Variants in TBC1D16 observed in about 807,000 individuals in gnomAD.
The protein encoded by TBC1D16 is CTD-2529O21.1.
TBC1D16 carries 58 observed loss-of-function variants against 74.7 expected under a neutral mutation model. The observed-to-expected ratio is 0.78, with a 90% confidence interval of 0.63 to 0.97. TBC1D16 has a LOEUF of 0.97. Ranked by LOEUF, TBC1D16 falls within the 50% of genes least tolerant of loss-of-function variation. TBC1D16 has a pLI of 0.00. For missense variants in TBC1D16, 1,014 were observed against 1,079.5 expected, an observed-to-expected ratio of 0.94 and a Z score of 0.85; for synonymous variants, 493 against 474.7, an observed-to-expected ratio of 1.04 and a Z score of -0.50.
At chr17:79,999,022 G>A (rs953223435) in intron 3 of TBC1D16, among the ~76,000 whole-genome samples, 4 of 152,120 alleles carry the variant, frequency 2.6e-5, no homozygotes, top group East Asian at 1.9e-4. Context: ...CTGGGAGGCC[G>A]AGGCGGGGGG....
At chr17:80,024,705 C>T (rs62647777) in intron 1 of TBC1D16, among the ~76,000 whole-genome samples, 140,328 of 143,356 alleles carry the variant, frequency 0.98, 68,790 homozygotes, top group Non-Finnish European at 0.99. Context: ...ATGCCACACA[C>T]GACACACCAT....
In TBC1D16 at chr17:79,950,817, C is replaced by A. The variant is rs2032997965; in HGVS notation, c.1090-239G>T. ...CCTCCCCGGCCCACTGTGCCGCCGC[C>A]CCCCACTCTCTCCAACCCCAGCCGC... On this transcript the variant is annotated intron_variant, in intron 5 of 11. Transcript: ENST00000310924. The surrounding 1 kb of genome is among the most constrained non-coding windows in gnomAD (Gnocchi z 4.6). 1.3e-6 allele frequency: 2 copies of A among 1,535,120 alleles called. No individual in the cohort carries two copies. The highest frequency in any genetic ancestry group is 2.7e-5 in the African/African-American group (2 of 73,020).
At chr17:79,952,975 AT>A in intron 3 of TBC1D16, 157 bp from the exon 4 acceptor site, 2 of 740,086 alleles carry the variant, frequency 2.7e-6, no homozygotes, top group South Asian at 2.1e-5. Context: ...CTGTGAATAA[AT>A]GAATGTATGA....
chr17:80,011,813 G>A (rs981511217), intron 2 of TBC1D16, among the ~76,000 whole-genome samples: 21 of 150,838 alleles, frequency 1.4e-4, no homozygotes, highest in East Asian at 1.2e-3. Flanking sequence ...ATGACAGAGC[G>A]AGACTCCGTC....
At chr17:80,032,858 A>C (rs1338270500) in intron 1 of TBC1D16, among the ~76,000 whole-genome samples, 1 of 152,206 alleles carries the variant, frequency 6.6e-6, no homozygotes, top group Non-Finnish European at 1.5e-5. Flanking sequence ...TTACAAGAGA[A>C]TTTAGGCCTG....
rs111769516 is a variant in TBC1D16 at position 79,989,172 on chromosome 17, G to A, written c.779+20988C>T. Among the ~76,000 whole-genome samples, 36 of 152,260 alleles carry A rather than the reference G, an allele frequency of 2.4e-4. 1 individual carries two copies. Among genetic ancestry groups the A allele is most frequent in the Admixed American group, 1.6e-3 (24 of 15,298 alleles). ...ACTCAAGACCCTCAAATGCAGCACC[G>A]TGTGCCCCCTGAACAGGGATCCCCA... On this transcript the variant is annotated intron_variant, in intron 3 of 11. Transcript: ENST00000310924.
chr17:79,953,298 G>A (rs1017904679), intron 3 of TBC1D16, among the ~76,000 whole-genome samples: 1 of 152,370 alleles, frequency 6.6e-6, no homozygotes. Context: ...CCAGCTCACT[G>A]TATTCCTGAA....
chr17:80,032,627 G>A (rs1210426275), intron 1 of TBC1D16, among the ~76,000 whole-genome samples: 1 of 152,234 alleles, frequency 6.6e-6, no homozygotes, highest in Non-Finnish European at 1.5e-5. Context: ...TGCCGCTGAG[G>A]TGAACGGAAA....
Position 79,979,465 on chromosome 17 carries a change from C to A in TBC1D16, c.780-26647G>T, listed in dbSNP as rs1192726963. ...CAGGGGAGATGGGAGAGGCCTGAAGCGGGAGGCGGGAGGACCGCATAGCTG... is the reference window on the plus strand; with the variant it reads ...CAGGGGAGATGGGAGAGGCCTGAAGAGGGAGGCGGGAGGACCGCATAGCTG... On this transcript the variant is annotated intron_variant, in intron 3 of 11. Coordinates refer to ENST00000310924, the MANE Select transcript of TBC1D16 (RefSeq NM_019020.4). The surrounding 1 kb of genome is among the most constrained non-coding windows in gnomAD (Gnocchi z 4.8). Among the ~76,000 whole-genome samples, 1 of 152,148 alleles carries A rather than the reference C, an allele frequency of 6.6e-6. No individual in the cohort carries two copies. The highest frequency in any genetic ancestry group is 1.5e-5 in the Non-Finnish European group (1 of 68,020).
intron 3 of TBC1D16, among the ~76,000 whole-genome samples, chr17:79,970,189 A>G (rs1458153114): frequency 1.3e-5 from 2 of 152,224 alleles, no homozygotes; most frequent in Non-Finnish European, 2.9e-5. Flanking sequence ...ACAAAAGGCC[A>G]CGTGTTCTAT....
intron 3 of TBC1D16, among the ~76,000 whole-genome samples, chr17:79,972,877 T>G (rs1249223464): frequency 2.0e-5 from 3 of 151,690 alleles, no homozygotes; most frequent in African/African-American, 7.3e-5. Context: ...AGCTTAGGAG[T>G]TCGGGACCAG....
rs115565368 is a variant in TBC1D16 at position 79,941,311 on chromosome 17, G to A, written c.2056-204C>T. On this transcript the variant is annotated intron_variant, in intron 11 of 11. Coordinates refer to ENST00000310924, the MANE Select transcript of TBC1D16 (RefSeq NM_019020.4). This position sits in a 1 kb window ranked among gnomAD's most constrained non-coding sequence, Gnocchi z 4.3. Reference sequence around the variant, plus strand: ...CTGGGTCTTAGGTGGCTGCAGTGATGGGACCCACAAGGCACTCGGGCTGTG... The same window carrying A: ...CTGGGTCTTAGGTGGCTGCAGTGATAGGACCCACAAGGCACTCGGGCTGTG... 0.01 allele frequency among the ~76,000 whole-genome samples: 1,556 copies of A among 152,266 alleles called. 30 individuals carry two copies. The highest frequency in any genetic ancestry group is 0.034 in the African/African-American group (1,426 of 41,550).
In TBC1D16 at chr17:79,944,068, C is replaced by T. The variant is rs1425242012; in HGVS notation, c.1908+840G>A. The T allele has an allele frequency of 6.5e-7, 1 of 1,536,028 alleles. No individual in the cohort carries two copies. Among genetic ancestry groups the T allele is most frequent in the Admixed American group, 2.0e-5 (1 of 50,996 alleles). On this transcript the variant is annotated intron_variant, in intron 10 of 11. Transcript: ENST00000310924. This position sits in a 1 kb window ranked among gnomAD's most constrained non-coding sequence, Gnocchi z 7.7. ...GCAAAGGCGGCGTGTGGTACCGGCA[C>T]TCGGTGGCTTCAGACTCGCTTTCAT...
intron 5 of TBC1D16, 55 bp downstream of exon 5, chr17:79,951,395 G>A (rs377067918): frequency 1.8e-5 from 29 of 1,585,544 alleles, no homozygotes; most frequent in African/African-American, 1.1e-4. Context: ...GATGGGGCCC[G>A]TGGGGGGTGG....
intron 1 of TBC1D16, among the ~76,000 whole-genome samples, chr17:80,028,623 G>C (rs896551498): frequency 7.3e-6 from 1 of 137,684 alleles, no homozygotes; most frequent in Non-Finnish European, 1.5e-5. Flanking sequence ...ATGATGACCA[G>C]TTGATTTTTT....
chr17:80,016,635 C>T (rs2036100322), intron 1 of TBC1D16, among the ~76,000 whole-genome samples: 1 of 152,102 alleles, frequency 6.6e-6, no homozygotes, highest in Non-Finnish European at 1.5e-5. Flanking sequence ...GGGGTCCCCA[C>T]TGGCTCAGCA....
chr17:80,021,178 G>C (rs992753515), intron 1 of TBC1D16, among the ~76,000 whole-genome samples: 1 of 149,808 alleles, frequency 6.7e-6, no homozygotes, highest in South Asian at 2.1e-4. Flanking sequence ...CTTGAACTCA[G>C]GTGGTGGAGG....
intron 9 of TBC1D16, among the ~76,000 whole-genome samples, chr17:79,945,841 C>T (rs1190705418): frequency 6.6e-6 from 1 of 152,240 alleles, no homozygotes. Context: ...CCCCCCGGCC[C>T]AGGTGGAGTT....
At position 79,991,644 on chromosome 17, in the gene TBC1D16, G is replaced by A. The variant is rs111842372; in HGVS notation, c.779+18516C>T. Among the ~76,000 whole-genome samples the A allele has an allele frequency of 4.4e-3, 673 of 151,298 alleles. 4 individuals are homozygous for A. Among genetic ancestry groups the A allele is most frequent in the African/African-American group, 0.016 (650 of 41,192 alleles). ...TTGGAAGGAGGCAGGGAGGCAAGAGGGAGGTCAGGTGGGGAGGCGCGCAGG... is the reference window on the plus strand; with the variant it reads ...TTGGAAGGAGGCAGGGAGGCAAGAGAGAGGTCAGGTGGGGAGGCGCGCAGG... On this transcript the variant is annotated intron_variant, in intron 3 of 11. Transcript: ENST00000310924.
Sources: gnomAD v4.1 joint callset for allele counts (sites outside exome capture counted in the v4.1 genomes callset) on GRCh38, gnomAD v4.1.1 for gene constraint, Gnocchi (gnomAD v3.1) non-coding constraint, MANE v1.5 for transcripts, NCBI Gene and HGNC (gene_info 2026-07-23, HGNC 2026-07-21) for gene names.